TYW3: variants seen among roughly 807,000 people sequenced by gnomAD.
TYW3 encodes tRNA-yW synthesizing protein 3 homolog.
Under a neutral mutation model 23.1 loss-of-function variants are expected in TYW3, and 26 were observed. That is an observed-to-expected ratio of 1.13 (90% CI 0.83 to 1.56). The LOEUF (loss-of-function observed/expected upper bound fraction) is 1.56. Among genes scored for constraint, TYW3 ranks in the 40% most tolerant of loss-of-function variants. The pLI, the probability that TYW3 is intolerant of heterozygous loss-of-function variation, is 0.00. For missense variants in TYW3, 316 were observed against 311.9 expected, an observed-to-expected ratio of 1.01 and a Z score of -0.10; for synonymous variants, 102 against 105.7, an observed-to-expected ratio of 0.97 and a Z score of 0.21.
intron 2 of TYW3, among the ~76,000 whole-genome samples, chr1:74,738,137 T>C (rs546229946): frequency 6.6e-6 from 1 of 152,124 alleles, no homozygotes; most frequent in African/African-American, 2.4e-5. Context: ...AACTGCAAGT[T>C]GCAATTGTTA....
intron 5 of TYW3, among the ~76,000 whole-genome samples, chr1:74,763,059 TATC>T (rs140368797): frequency 0.014 from 2,078 of 152,318 alleles, 24 homozygotes; most frequent in East Asian, 0.05. Context: ...AATAATGCGA[TATC>T]ATTTTCACCC....
intron 5 of TYW3, among the ~76,000 whole-genome samples, chr1:74,753,031 T>G (rs1648843095): frequency 1.3e-5 from 2 of 152,236 alleles, no homozygotes; most frequent in Non-Finnish European, 2.9e-5. Flanking sequence ...TATATTATTT[T>G]CTTTAACAAC....
chr1:74,737,937 G>A (rs1350750334), intron 2 of TYW3, among the ~76,000 whole-genome samples: 1 of 152,166 alleles, frequency 6.6e-6, no homozygotes, highest in Non-Finnish European at 1.5e-5. Flanking sequence ...GTGATGGCAT[G>A]TACCCCACTT....
At chr1:74,738,514 A>G (rs1648231142) in intron 2 of TYW3, among the ~76,000 whole-genome samples, 176 bp from the exon 3 acceptor site, 1 of 152,262 alleles carries the variant, frequency 6.6e-6, no homozygotes, top group Non-Finnish European at 1.5e-5. Flanking sequence ...TAAGAAAATA[A>G]GCAAATAAAT....
At chr1:74,743,701 T>A (rs1026639448) in intron 3 of TYW3, among the ~76,000 whole-genome samples, 23 of 152,156 alleles carry the variant, frequency 1.5e-4, no homozygotes, top group African/African-American at 5.6e-4. Flanking sequence ...GGAGCCATAC[T>A]GGGGATGGCT....
At chr1:74,763,308 T>C (rs1448244190) in intron 5 of TYW3, among the ~76,000 whole-genome samples, 1 of 152,102 alleles carries the variant, frequency 6.6e-6, no homozygotes. Context: ...CTTACCACAT[T>C]TTTGTTTGTA....
intron 4 of TYW3, among the ~76,000 whole-genome samples, chr1:74,749,193 C>G (rs924874251): frequency 6.6e-6 from 1 of 152,184 alleles, no homozygotes; most frequent in Non-Finnish European, 1.5e-5. Context: ...GCTCCTCAGT[C>G]CCTCAGGGTT....
chr1:74,764,298 T>A lies in TYW3; in HGVS notation c.*185T>A. 1 of 517,194 alleles carries A rather than the reference T, an allele frequency of 1.9e-6. No homozygotes were observed. Among genetic ancestry groups the A allele is most frequent in the Non-Finnish European group, 3.4e-6 (1 of 297,268 alleles). 32.0% of individuals were successfully genotyped at this position (517,194 alleles called of 1,614,324 possible). A position where few individuals can be genotyped will look rare whatever the true frequency, so the allele number is the denominator to read the frequency against. The stretch of plus-strand genomic sequence containing the variant: ...CAGTTGTCATCTAAGCTCTCAGCAG[T>A]ACCCGGCTTATCCTACGACTTCACC... On this transcript the variant is annotated 3_prime_UTR_variant, in exon 6 of 6. Transcript: ENST00000370867.
At chr1:74,733,572 A>G (rs1021276671) in intron 1 of TYW3, 154 bp downstream of exon 1, 2 of 984,052 alleles carry the variant, frequency 2.0e-6, no homozygotes, top group African/African-American at 3.5e-5. Flanking sequence ...AGGGGATTAG[A>G]TCAGTGCTTC....
rs116005163 is a variant in TYW3 at position 74,761,921 on chromosome 1, G to A, written c.561-1973G>A. ...CGCTTGGGAGGAATGATGGAAGATGGTGTCTACAGGGGAGCCAGGTTTCAG... is the reference window on the plus strand; with the variant it reads ...CGCTTGGGAGGAATGATGGAAGATGATGTCTACAGGGGAGCCAGGTTTCAG... On this transcript the variant is annotated intron_variant, in intron 5 of 5. Transcript: ENST00000370867. 1.1e-3 allele frequency among the ~76,000 whole-genome samples: 174 copies of A among 152,180 alleles called. 1 individual carries two copies. The highest frequency in any genetic ancestry group is 3.9e-3 in the African/African-American group (161 of 41,524).
In TYW3 at chr1:74,752,356, A is replaced by T. The variant is rs757637527; in HGVS notation, c.491A>T (p.Glu164Val). The T allele has an allele frequency of 1.2e-6, 2 of 1,613,684 alleles. No individual in the cohort carries two copies. Among genetic ancestry groups the T allele is most frequent in the South Asian group, 1.1e-5 (1 of 90,984 alleles). ...LSHKGKLMVT[E>V]EYIDFLLNVA... ...CATAAGGGAAAACTGATGGTGACAG[A>T]GGAATATATTGACTTCCTGTTAAAT... is the stretch of plus-strand genomic sequence containing the variant. Residue 164 changes from glutamate to valine, a missense_variant, in exon 5 of 6, where the codon GAG becomes GTG. Physicochemically the swap from Glu to Val is moderately radical, Grantham distance 121 (BLOSUM62 -2). Coordinates refer to ENST00000370867, the MANE Select transcript of TYW3 (RefSeq NM_138467.3).
At chr1:74,755,338 C>A (rs778105263) in intron 5 of TYW3, among the ~76,000 whole-genome samples, 1 of 152,190 alleles carries the variant, frequency 6.6e-6, no homozygotes, top group Admixed American at 6.5e-5. Flanking sequence ...CACTAACTCT[C>A]GATTCCTCGT....
At chr1:74,734,740 G>A (rs747606557) in intron 1 of TYW3, among the ~76,000 whole-genome samples, 11 of 152,164 alleles carry the variant, frequency 7.2e-5, no homozygotes, top group Admixed American at 2.6e-4. Context: ...GCCCCTTCCT[G>A]TTCTATGAAC....
At chr1:74,743,560 T>C (rs1266094170) in intron 3 of TYW3, among the ~76,000 whole-genome samples, 2 of 152,176 alleles carry the variant, frequency 1.3e-5, no homozygotes, top group African/African-American at 4.8e-5. Flanking sequence ...TTTTCTTCCT[T>C]TCCCTGAGTT....
chr1:74,740,782 C>T (rs1282777142), intron 3 of TYW3, among the ~76,000 whole-genome samples: 1 of 152,260 alleles, frequency 6.6e-6, no homozygotes, highest in East Asian at 1.9e-4. Flanking sequence ...CATTTACAGT[C>T]CTTTAGCTAC....
chr1:74,738,695 A>G lies in TYW3; in HGVS notation c.261A>G (p.Val87=). The change falls in exon 3 of 6, where the codon GTA becomes GTG. Residue 87 remains valine (V), a synonymous_variant. Coordinates refer to ENST00000370867, the MANE Select transcript of TYW3 (RefSeq NM_138467.3). ...HKLCVKDDVI[V]ALKKANGDAT... ...ACCACTGTTCATTTATTTAGATTGT[A>G]GCTCTGAAGAAAGCAAATGGTGATG... is the stretch of plus-strand genomic sequence containing the variant. 6.2e-7 allele frequency: 1 copy of G among 1,603,496 alleles called. No homozygotes were observed. The highest frequency in any genetic ancestry group is 2.2e-5 in the East Asian group (1 of 44,774).
chr1:74,740,073 G>A (rs909943896), intron 3 of TYW3, among the ~76,000 whole-genome samples: 4 of 152,176 alleles, frequency 2.6e-5, no homozygotes, highest in African/African-American at 7.2e-5. Flanking sequence ...TATTGGTCTC[G>A]CTGACTTCAA....
At chr1:74,756,909 C>T (rs1016677879) in intron 5 of TYW3, among the ~76,000 whole-genome samples, 7 of 152,212 alleles carry the variant, frequency 4.6e-5, no homozygotes, top group Non-Finnish European at 8.8e-5. Flanking sequence ...GTGTCCCAGC[C>T]ACTCAAGCCA....
chr1:74,738,654 T>G (rs867439371), intron 2 of TYW3, 36 bp from the exon 3 acceptor site: 2 of 1,507,806 alleles, frequency 1.3e-6, no homozygotes, highest in Non-Finnish European at 1.8e-6. Flanking sequence ...GGACAGGCCA[T>G]ATACTTGCAT....
Sources: gnomAD v4.1 joint callset for allele counts (sites outside exome capture counted in the v4.1 genomes callset) on GRCh38, gnomAD v4.1.1 for gene constraint, MANE v1.5 for transcripts, NCBI Gene and HGNC (gene_info 2026-07-23, HGNC 2026-07-21) for gene names.